PERP: variants seen among roughly 807,000 people sequenced by gnomAD.
PERP encodes p53 apoptosis effector related to PMP-22.
In PERP, 11 loss-of-function variants were observed where a neutral mutation model predicts 20.3. That is an observed-to-expected ratio of 0.54 (90% confidence interval 0.34 to 0.90). PERP has a LOEUF of 0.90. Ranked by LOEUF, PERP falls within the 40% of genes least tolerant of loss-of-function variation. PERP has a pLI of 0.02. For missense variants in PERP, 224 were observed against 249.4 expected, an observed-to-expected ratio of 0.90 and a Z score of 0.69; for synonymous variants, 101 against 102.0, an observed-to-expected ratio of 0.99 and a Z score of 0.06.
rs1365557902 is a variant in PERP at position 138,089,861 on chromosome 6, T to G, written c.*2181A>C. The G allele has an allele frequency of 1.3e-5, 2 of 152,244 alleles. No individual in the cohort carries two copies. The highest frequency in any genetic ancestry group is 4.8e-5 in the African/African-American group (2 of 41,462). The allele number at this position is 152,244 out of a possible 1,614,324, so 9.4% of individuals were successfully genotyped here. A position where few individuals can be genotyped will look rare whatever the true frequency, so the allele number is the denominator to read the frequency against. On this transcript the variant is annotated 3_prime_UTR_variant, in exon 3 of 3. Coordinates refer to ENST00000421351, the MANE Select transcript of PERP (RefSeq NM_022121.5). ...ATCAGGCTCGTTGGTCCCAGGAGGT[T>G]GCATTTTTCCTAAATGTGCGCCGTT...
At chr6:138,092,452 G>C (rs1239506563) in intron 2 of PERP, among the ~76,000 whole-genome samples, 184 bp from the exon 3 acceptor site, 2 of 152,220 alleles carry the variant, frequency 1.3e-5, no homozygotes, top group African/African-American at 4.8e-5. Flanking sequence ...CTGTGTGTAA[G>C]AGATGCCTGG....
chr6:138,104,314 TAAG>T (rs1562325969), intron 1 of PERP, among the ~76,000 whole-genome samples: 2 of 152,208 alleles, frequency 1.3e-5, no homozygotes, highest in Non-Finnish European at 1.5e-5. Flanking sequence ...AAAATTCAAA[TAAG>T]AATGTTTTTA....
intron 1 of PERP, 125 bp from the exon 2 acceptor site, chr6:138,096,619 T>C: frequency 9.1e-7 from 1 of 1,093,404 alleles, no homozygotes; most frequent in Non-Finnish European, 1.3e-6. Context: ...GGAGGGACAG[T>C]TTTTCTTTTG....
Position 138,107,210 on chromosome 6 carries a change from G to T in PERP, c.131C>A (p.Thr44Lys). Residue 44 changes from threonine to lysine, a missense_variant, in exon 1 of 3, where the codon ACG becomes AAG. By Grantham distance (78) the Thr-to-Lys change is moderately conservative. Transcript: ENST00000421351. The surrounding 1 kb of genome is among the most constrained non-coding windows in gnomAD (Gnocchi z 4.8). ...GGAGCATTTCCACCACAGCGAGGACGTCTGGCCGTGGTCGCTAGACTGCAA... is the reference window on the plus strand; with the variant it reads ...GGAGCATTTCCACCACAGCGAGGACTTCTGGCCGTGGTCGCTAGACTGCAA... ...GWLQSSDHGQ[T>K]SSLWWKCSQE... The T allele has an allele frequency of 6.2e-7, 1 of 1,612,466 alleles. No individual in the cohort carries two copies. Among genetic ancestry groups the T allele is most frequent in the Non-Finnish European group, 8.5e-7 (1 of 1,179,696 alleles).
chr6:138,096,763 A>G (rs571583243), intron 1 of PERP, among the ~76,000 whole-genome samples: 3 of 152,326 alleles, frequency 2.0e-5, no homozygotes, highest in African/African-American at 7.2e-5. Context: ...AATGAAAGTC[A>G]AACTTCATTA....
At position 138,106,903 on chromosome 6, in the gene PERP, C is replaced by CTTTTTTTTTTTTTTT. The variant is rs577977770; in HGVS notation, c.214+223_214+224insAAAAAAAAAAAAAAA. Among the ~76,000 whole-genome samples, 27 of 134,438 alleles carry CTTTTTTTTTTTTTTT rather than the reference C, an allele frequency of 2.0e-4. 1 individual carries two copies. Among genetic ancestry groups the CTTTTTTTTTTTTTTT allele is most frequent in the African/African-American group, 4.5e-4 (16 of 35,936 alleles). 88.2% of individuals were successfully genotyped at this position (134,438 alleles called of 152,430 possible). ...AAAACTATACAGTTTGAACTACGGC[C>CTTTTTTTTTTTTTTT]TTTTTTTTTTTTCTGTTTCTGAGCT... On this transcript the variant is annotated intron_variant, in intron 1 of 2. Coordinates refer to ENST00000421351, the MANE Select transcript of PERP (RefSeq NM_022121.5).
intron 1 of PERP, among the ~76,000 whole-genome samples, chr6:138,100,067 G>C (rs1017883690): frequency 6.6e-6 from 1 of 152,156 alleles, no homozygotes; most frequent in African/African-American, 2.4e-5. Flanking sequence ...CAGTTCTAAA[G>C]ATCCTGACTG....
chr6:138,106,469 G>C (rs72563085), intron 1 of PERP, among the ~76,000 whole-genome samples: 30,294 of 151,678 alleles, frequency 0.2, 3,672 homozygotes, highest in East Asian at 0.6. Context: ...GCGAGTGTAG[G>C]GAATGTGTTT....
chr6:138,095,675 G>A (rs1175283393), intron 2 of PERP, among the ~76,000 whole-genome samples: 2 of 152,144 alleles, frequency 1.3e-5, no homozygotes, highest in Non-Finnish European at 2.9e-5. Flanking sequence ...CTAGGGTCCT[G>A]CCCCTTTGAC....
chr6:138,100,544 G>T lies in PERP; in HGVS notation c.215-4050C>A, dbSNP rs74942690. On this transcript the variant is annotated intron_variant, in intron 1 of 2. Transcript: ENST00000421351. ...CATTACTATTTTATATACCAGATTT[G>T]TGTGTGTGTGTGTGTGTGTGTGTGT... Among the ~76,000 whole-genome samples, 542 of 109,834 alleles carry T rather than the reference G, an allele frequency of 4.9e-3. 3 individuals are homozygous for T. The highest frequency in any genetic ancestry group is 0.015 in the African/African-American group (511 of 33,378). The allele number at this position is 109,834 out of a possible 152,430, so 72.1% of individuals were successfully genotyped here. A position where few individuals can be genotyped will look rare whatever the true frequency, so the allele number is the denominator to read the frequency against.
intron 2 of PERP, among the ~76,000 whole-genome samples, chr6:138,095,661 GTGGCT>G (rs1775675460): frequency 6.6e-6 from 1 of 152,102 alleles, no homozygotes; most frequent in Non-Finnish European, 1.5e-5. Context: ...ATCTAACTCC[GTGGCT>G]AGGGTCCTGC....
chr6:138,106,995 G>A lies in PERP; in HGVS notation c.214+132C>T, dbSNP rs1775853141. ...AGGTCGGATGCATGAGCCCGAGCTC[G>A]TCCTAAACAGGCATTCTGAAAAGCA... On this transcript the variant is annotated intron_variant, in intron 1 of 2. Transcript: ENST00000421351. 3.5e-6 allele frequency: 3 copies of A among 856,032 alleles called. No homozygotes were observed. In the Admixed American group the frequency reaches 9.5e-5, roughly 27 times the overall value. The allele number at this position is 856,032 out of a possible 1,614,324, so 53.0% of individuals were successfully genotyped here. A position where few individuals can be genotyped will look rare whatever the true frequency, so the allele number is the denominator to read the frequency against.
In PERP at chr6:138,092,188, T is replaced by A; in HGVS notation, c.436A>T (p.Thr146Ser). The A allele has an allele frequency of 1.2e-6, 2 of 1,614,044 alleles. No homozygotes were observed. Among genetic ancestry groups the A allele is most frequent in the Non-Finnish European group, 1.7e-6 (2 of 1,179,986 alleles). ...CCGTAGGCCCAGTTATAGATGTAAG[T>A]GACAGCAGGGTTGGCATGAAGGGTG... Reference protein sequence around the residue: ...TFTLHANPAVTYIYNWAYGFG... With the variant: ...TFTLHANPAVSYIYNWAYGFG... The change falls in exon 3 of 3, where the codon ACT becomes TCT. Residue 146 changes from threonine to serine, a missense_variant. By Grantham distance (58) the Thr-to-Ser change is moderately conservative (BLOSUM62 1). Transcript: ENST00000421351.
At chr6:138,103,649 T>C (rs959945903) in intron 1 of PERP, among the ~76,000 whole-genome samples, 2 of 152,182 alleles carry the variant, frequency 1.3e-5, no homozygotes, top group Non-Finnish European at 2.9e-5. Context: ...TCTAGTATTA[T>C]TACACTGTAT....
chr6:138,099,332 A>G (rs1301143529), intron 1 of PERP, among the ~76,000 whole-genome samples: 1 of 152,206 alleles, frequency 6.6e-6, no homozygotes, highest in Non-Finnish European at 1.5e-5. Flanking sequence ...TTACAGTCTC[A>G]TTTCTTTAGT....
rs368521213 is a variant in PERP at position 138,096,334 on chromosome 6, T to C, written c.355+20A>G. 33 of 1,612,598 alleles carry C rather than the reference T, an allele frequency of 2.0e-5. No individual in the cohort carries two copies. Among genetic ancestry groups the C allele is most frequent in the Middle Eastern group, 1.7e-4 (1 of 6,044 alleles). On this transcript the variant is annotated intron_variant, in intron 2 of 2. Transcript: ENST00000421351. ...GCCCACTGAAGGCATAAATGAAGAA[T>C]TGCTGACACACAGTCTTACCAGCCA... is the stretch of plus-strand genomic sequence containing the variant.
At chr6:138,106,903 C>CTTTTTTT (rs577977770) in intron 1 of PERP, among the ~76,000 whole-genome samples, 5,901 of 134,194 alleles carry the variant, frequency 0.044, 281 homozygotes, top group Admixed American at 0.1. Context: ...GAACTACGGC[C>CTTTTTTT]TTTTTTTTTT....
chr6:138,095,325 A>G (rs1582965661), intron 2 of PERP, among the ~76,000 whole-genome samples: 2 of 151,844 alleles, frequency 1.3e-5, no homozygotes, highest in South Asian at 4.2e-4. Flanking sequence ...CTGTGCATGT[A>G]CCAGCTGGTT....
rs1318641607 is a variant in PERP, at chr6:138,096,485, C to T, written c.224G>A (p.Arg75Lys). ...CQSLMEYAWGRAAAAMLFCGF... is the reference protein window; with the variant it reads ...CQSLMEYAWGKAAAAMLFCGF... Reference sequence around the variant, plus strand: ...ACAGAAGAGCATGGCAGCCGCTGCTCTACCCCACGCTGCAAGAAAAAAAGA... The same window carrying T: ...ACAGAAGAGCATGGCAGCCGCTGCTTTACCCCACGCTGCAAGAAAAAAAGA... Residue 75 changes from arginine to lysine, a missense_variant, in exon 2 of 3, where the codon AGA becomes AAA. Arg to Lys is a conservative substitution (Grantham distance 26). Transcript: ENST00000421351. 6.2e-7 allele frequency: 1 copy of T among 1,607,436 alleles called. No individual in the cohort carries two copies. Among genetic ancestry groups the T allele is most frequent in the South Asian group, 1.1e-5 (1 of 89,578 alleles).
Sources: allele counts gnomAD v4.1 joint callset (sites outside exome capture counted in the v4.1 genomes callset), GRCh38; gene constraint gnomAD v4.1.1; non-coding constraint Gnocchi (gnomAD v3.1); transcripts MANE v1.5; gene names NCBI Gene and HGNC (gene_info 2026-07-23, HGNC 2026-07-21).